The following CTNNBL1 variants were observed in gnomAD, a reference collection of about 807,000 sequenced individuals.
CTNNBL1 encodes the protein beta-catenin-like protein 1.
Under a neutral mutation model 72.7 loss-of-function variants are expected in CTNNBL1, and 31 were observed. The ratio of observed to expected loss-of-function variants is 0.43; its 90% CI spans 0.32 to 0.58. The LOEUF is 0.58. CTNNBL1 is among the 20% of genes least tolerant of loss of function. The probability of loss-of-function intolerance (pLI) is 0.08; values close to 1 mark genes in which losing one functional copy is unlikely to be tolerated. For missense variants in CTNNBL1, 534 were observed against 725.1 expected (o/e 0.74, Z 3.03); for synonymous variants, 240 against 267.3 (o/e 0.90, Z 1.00).
intron 1 of CTNNBL1, among the ~76,000 whole-genome samples, chr20:37,730,991 C>T (rs2073123266): frequency 2.0e-5 from 3 of 151,974 alleles, no homozygotes; most frequent in Admixed American, 2.0e-4. Context: ...ATTTAAAAAA[C>T]TTTTATTTTT....
chr20:37,710,056 T>C (rs1032630536), intron 1 of CTNNBL1, among the ~76,000 whole-genome samples: 1 of 152,238 alleles, frequency 6.6e-6, no homozygotes, highest in Non-Finnish European at 1.5e-5. Flanking sequence ...ATGCGTCCTC[T>C]TTTCCATGTG....
chr20:37,785,966 G>A (rs995333053), intron 10 of CTNNBL1, among the ~76,000 whole-genome samples: 1 of 152,214 alleles, frequency 6.6e-6, no homozygotes, highest in Non-Finnish European at 1.5e-5. Context: ...GCATTAGGGG[G>A]CATCCCAAGC....
In CTNNBL1 at chr20:37,766,049, AT is replaced by A. The variant is rs202109408; in HGVS notation, c.658+771del. ...GAAGCAGAAAATTTGATGAGATTAG[AT>A]TTTTTTTTTTTAGCTTCTTTGTGTA... is the stretch of plus-strand genomic sequence containing the variant. On this transcript the variant is annotated intron_variant, in intron 6 of 15. Transcript: ENST00000361383. 1.7e-3 allele frequency among the ~76,000 whole-genome samples: 253 copies of A among 146,896 alleles called. No individual in the cohort carries two copies. The Middle Eastern group carries it at 0.021, about 12-fold the overall frequency.
chr20:37,767,876 C>A, intron 6 of CTNNBL1, 77 bp from the exon 7 acceptor site: 1 of 1,141,980 alleles, frequency 8.8e-7, no homozygotes, highest in Non-Finnish European at 1.3e-6. Context: ...GAATAACATG[C>A]CTGTCATGGG....
In CTNNBL1 at chr20:37,840,101, G is replaced by C; in HGVS notation, c.1214-1G>C. The C allele has an allele frequency of 6.2e-7, 1 of 1,611,944 alleles. No individual in the cohort carries two copies. The highest frequency in any genetic ancestry group is 8.5e-7 in the Non-Finnish European group (1 of 1,178,126). On this transcript the variant is annotated splice_acceptor_variant, in intron 11 of 15. Transcript: ENST00000361383. LOFTEE classifies it high-confidence loss of function. ...GTTCTCTTTTCTCTTTCCCAACCCA[G>C]AGCATGTCTGTTCGATCCTGGCTTC...
chr20:37,826,898 GC>G (rs2072165007), intron 11 of CTNNBL1, among the ~76,000 whole-genome samples: 1 of 152,172 alleles, frequency 6.6e-6, no homozygotes, highest in Non-Finnish European at 1.5e-5. Flanking sequence ...AAAATGCATG[GC>G]TCTTGAGTGC....
intron 10 of CTNNBL1, among the ~76,000 whole-genome samples, chr20:37,781,608 A>G (rs1346202557): frequency 6.6e-6 from 1 of 152,042 alleles, no homozygotes; most frequent in Non-Finnish European, 1.5e-5. Flanking sequence ...TCTCATTCCC[A>G]TACTCTTTGT....
At chr20:37,730,500 G>C (rs910159702) in intron 1 of CTNNBL1, among the ~76,000 whole-genome samples, 3 of 152,224 alleles carry the variant, frequency 2.0e-5, no homozygotes, top group Admixed American at 6.5e-5. Flanking sequence ...CTAAGGTTTA[G>C]AGAGGTAGGT....
intron 12 of CTNNBL1, among the ~76,000 whole-genome samples, chr20:37,840,906 G>T (rs1164100786): frequency 6.6e-6 from 1 of 152,142 alleles, no homozygotes. Context: ...GATGGTTCGG[G>T]CTATGGAAGC....
chr20:37,704,651 C>T (rs111983705), intron 1 of CTNNBL1, among the ~76,000 whole-genome samples: 1 of 151,586 alleles, frequency 6.6e-6, no homozygotes, highest in African/African-American at 2.4e-5. Context: ...ATTGATGTTG[C>T]AATGAGCGGT....
chr20:37,762,910 C>G (rs1415786369), intron 5 of CTNNBL1, among the ~76,000 whole-genome samples: 1 of 152,170 alleles, frequency 6.6e-6, no homozygotes, highest in Non-Finnish European at 1.5e-5. Context: ...TTTCCTCCAG[C>G]CAGAGGCCCA....
chr20:37,821,531 C>G (rs2072107339), intron 11 of CTNNBL1, among the ~76,000 whole-genome samples: 1 of 152,170 alleles, frequency 6.6e-6, no homozygotes, highest in South Asian at 2.1e-4. Context: ...CCCCTCCTCT[C>G]TTTTTTTCTT....
intron 10 of CTNNBL1, among the ~76,000 whole-genome samples, chr20:37,789,636 C>T (rs1020823168): frequency 2.0e-5 from 3 of 152,158 alleles, no homozygotes; most frequent in African/African-American, 4.8e-5. Context: ...TTACAGATAC[C>T]TCTCTTTGGT....
At chr20:37,709,247 G>C (rs2072916824) in intron 1 of CTNNBL1, among the ~76,000 whole-genome samples, 1 of 152,188 alleles carries the variant, frequency 6.6e-6, no homozygotes, top group Non-Finnish European at 1.5e-5. Flanking sequence ...TTCTTGAACA[G>C]TTTTGCTGGC....
chr20:37,808,105 A>C (rs148616681), intron 11 of CTNNBL1, among the ~76,000 whole-genome samples: 43 of 152,328 alleles, frequency 2.8e-4, no homozygotes, highest in African/African-American at 9.9e-4. Context: ...ACCGAGCAGC[A>C]TGTAGGTGTG....
At chr20:37,802,651 TGCTTCATA>T (rs2073832312) in intron 10 of CTNNBL1, among the ~76,000 whole-genome samples, 1 of 152,232 alleles carries the variant, frequency 6.6e-6, no homozygotes, top group Non-Finnish European at 1.5e-5. Context: ...ATTGTGGTAA[TGCTTCATA>T]AAGAATTTTG....
chr20:37,736,308 G>A (rs990975988), intron 2 of CTNNBL1, among the ~76,000 whole-genome samples: 2 of 152,156 alleles, frequency 1.3e-5, no homozygotes, highest in Non-Finnish European at 2.9e-5. Context: ...CAGTAGGTTG[G>A]ATTTGGCTCA....
intron 11 of CTNNBL1, among the ~76,000 whole-genome samples, chr20:37,829,389 C>T (rs1039782420): frequency 2.0e-5 from 3 of 152,114 alleles, no homozygotes; most frequent in African/African-American, 7.2e-5. Context: ...CTTTCTTAAC[C>T]ATTTGAGCTG....
intron 1 of CTNNBL1, among the ~76,000 whole-genome samples, chr20:37,719,085 A>G (rs2073018336): frequency 6.6e-6 from 1 of 152,190 alleles, no homozygotes; most frequent in South Asian, 2.1e-4. Flanking sequence ...CCTTGATGCC[A>G]CCATTGGAAA....
Sources: allele counts gnomAD v4.1 joint callset (sites outside exome capture counted in the v4.1 genomes callset), GRCh38; gene constraint gnomAD v4.1.1; transcripts MANE v1.5; gene names NCBI Gene and HGNC (gene_info 2026-07-23, HGNC 2026-07-21).